KCNK2: variants seen among roughly 807,000 people sequenced by gnomAD.
The protein encoded by KCNK2 is potassium two pore domain channel subfamily K member 2, also known as potassium channel subfamily K member 2.
KCNK2 carries 21 observed loss-of-function variants against 40.5 expected under a neutral mutation model. That is an observed-to-expected ratio of 0.52 (90% CI 0.37 to 0.75). The LOEUF (loss-of-function observed/expected upper bound fraction) is 0.75. Ranked by LOEUF, KCNK2 falls within the 30% of genes least tolerant of loss-of-function variation. The probability of loss-of-function intolerance (pLI) is 0.00; values close to 1 mark genes in which losing one functional copy is unlikely to be tolerated. For missense variants in KCNK2, 399 were observed against 531.6 expected (o/e 0.75, Z 2.45); for synonymous variants, 191 against 202.2 (o/e 0.94, Z 0.47).
chr1:215,017,336 A>T (rs768365289), intron 1 of KCNK2, among the ~76,000 whole-genome samples: 1 of 152,160 alleles, frequency 6.6e-6, no homozygotes, highest in Admixed American at 6.5e-5. Context: ...TATTAAATCA[A>T]CATAAGTGTC....
chr1:215,019,555 T>G (rs1656717239), intron 1 of KCNK2, among the ~76,000 whole-genome samples: 1 of 152,226 alleles, frequency 6.6e-6, no homozygotes, highest in South Asian at 2.1e-4. Flanking sequence ...GTTAAATATT[T>G]AAAACTCATT....
chr1:215,040,086 A>C (rs1222756549), intron 1 of KCNK2, among the ~76,000 whole-genome samples: 3 of 152,104 alleles, frequency 2.0e-5, no homozygotes, highest in Non-Finnish European at 4.4e-5. Flanking sequence ...TTCCCGTGCT[A>C]AGTACTTTAC....
chr1:215,163,526 G>T (rs971756657), intron 3 of KCNK2, among the ~76,000 whole-genome samples: 10 of 152,094 alleles, frequency 6.6e-5, no homozygotes, highest in African/African-American at 2.4e-4. Flanking sequence ...TCCCGCTTTT[G>T]CCCATTCAGT....
chr1:215,083,294 T>A lies in KCNK2; in HGVS notation c.-92T>A, dbSNP rs1476864187. ...CGTGCAGCTCGGAGCGCGCAGCCCG[T>A]CTCTGAATAAGAAGTGAGTACAATG... On this transcript the variant is annotated 5_prime_UTR_variant, in exon 1 of 7. Coordinates refer to ENST00000444842, the MANE Select transcript of KCNK2 (RefSeq NM_001017425.3). 4 of 1,534,836 alleles carry A rather than the reference T, an allele frequency of 2.6e-6. No individual in the cohort carries two copies. Among genetic ancestry groups the A allele is most frequent in the Non-Finnish European group, 3.5e-6 (4 of 1,129,890 alleles).
intron 1 of KCNK2, among the ~76,000 whole-genome samples, chr1:215,053,811 A>G (rs966580919): frequency 6.6e-6 from 1 of 152,190 alleles, no homozygotes; most frequent in African/African-American, 2.4e-5. Flanking sequence ...TACTAAAAAT[A>G]CAAAAGTTAG....
chr1:215,044,686 G>C (rs1657682228), intron 1 of KCNK2, among the ~76,000 whole-genome samples: 1 of 152,018 alleles, frequency 6.6e-6, no homozygotes, highest in Non-Finnish European at 1.5e-5. Context: ...TGAATAAGTG[G>C]AACTACAAAT....
chr1:215,129,903 A>G (rs1661594341), intron 3 of KCNK2, among the ~76,000 whole-genome samples: 1 of 152,238 alleles, frequency 6.6e-6, no homozygotes. Context: ...GGTATAATAC[A>G]AAAATATATT....
chr1:215,103,015 T>C (rs1660289769), intron 2 of KCNK2, among the ~76,000 whole-genome samples: 1 of 151,954 alleles, frequency 6.6e-6, no homozygotes, highest in Admixed American at 6.6e-5. Flanking sequence ...GAAAGATTAA[T>C]TGGAGAAATG....
intron 1 of KCNK2, among the ~76,000 whole-genome samples, chr1:215,074,962 C>A (rs1452295349): frequency 1.3e-5 from 2 of 152,120 alleles, no homozygotes; most frequent in Admixed American, 1.3e-4. Flanking sequence ...ATAAAGATTT[C>A]TTTTTATTAT....
At chr1:215,106,604 G>C (rs576918750) in intron 2 of KCNK2, among the ~76,000 whole-genome samples, 1 of 152,130 alleles carries the variant, frequency 6.6e-6, no homozygotes, top group East Asian at 1.9e-4. Context: ...TGGCACGCTT[G>C]TCAATTTTTG....
intron 3 of KCNK2, among the ~76,000 whole-genome samples, chr1:215,144,314 A>G (rs1662318754): frequency 1.3e-5 from 2 of 152,138 alleles, no homozygotes; most frequent in African/African-American, 4.8e-5. Flanking sequence ...GATGCCCCTT[A>G]ATGGTTTTAG....
rs191429677 is a variant in KCNK2, at chr1:215,203,540, A to G, written c.963+8448A>G. On this transcript the variant is annotated intron_variant, in intron 6 of 6. Coordinates refer to ENST00000444842, the MANE Select transcript of KCNK2 (RefSeq NM_001017425.3). The stretch of plus-strand genomic sequence containing the variant: ...TAAAGTTTTAAGACTATATATATAT[A>G]TAATATCATCATATATTGTTCTATG... Among the ~76,000 whole-genome samples, 25 of 152,094 alleles carry G rather than the reference A, an allele frequency of 1.6e-4. No individual in the cohort carries two copies. The East Asian group carries it at 4.8e-3, about 29-fold the overall frequency.
At chr1:215,138,712 A>G (rs12073401) in intron 3 of KCNK2, among the ~76,000 whole-genome samples, 1,911 of 152,296 alleles carry the variant, frequency 0.013, 46 homozygotes, top group African/African-American at 0.043. Context: ...GTTTATGATA[A>G]TAGAAAGGAG....
At chr1:215,068,637 G>A (rs763752893) in intron 1 of KCNK2, among the ~76,000 whole-genome samples, 42 of 152,264 alleles carry the variant, frequency 2.8e-4, no homozygotes, top group Middle Eastern at 6.8e-3. Context: ...ATTTGCATTG[G>A]CAATTGTTAA....
At chr1:215,174,829 C>T (rs1468845720) in intron 5 of KCNK2, among the ~76,000 whole-genome samples, 1 of 152,126 alleles carries the variant, frequency 6.6e-6, no homozygotes, top group Non-Finnish European at 1.5e-5. Context: ...TATCCTGAGA[C>T]TTTGCTGAAG....
chr1:215,148,105 G>T (rs1438182988), intron 3 of KCNK2, among the ~76,000 whole-genome samples: 1 of 99,098 alleles, frequency 1.0e-5, no homozygotes, highest in African/African-American at 4.7e-5. Flanking sequence ...TTTTGGCAGG[G>T]TCTTGCTCTG....
intron 6 of KCNK2, among the ~76,000 whole-genome samples, chr1:215,204,127 G>C (rs937455636): frequency 7.0e-5 from 6 of 85,620 alleles, no homozygotes; most frequent in Admixed American, 2.6e-4. Context: ...TTTTTTTCTT[G>C]AATTAGACCC....
At chr1:215,176,299 A>G (rs746682812) in intron 5 of KCNK2, among the ~76,000 whole-genome samples, 18 of 151,972 alleles carry the variant, frequency 1.2e-4, no homozygotes, top group Non-Finnish European at 2.1e-4. Flanking sequence ...TCTTCTTTTG[A>G]TAAGTGTCTG....
chr1:215,010,464 C>T (rs547515419), intron 1 of KCNK2, among the ~76,000 whole-genome samples: 16 of 152,250 alleles, frequency 1.1e-4, no homozygotes, highest in Admixed American at 3.3e-4. Context: ...TAGAGAAGAC[C>T]TTGCTCTGCA....
Sources: allele counts gnomAD v4.1 joint callset (sites outside exome capture counted in the v4.1 genomes callset), GRCh38; gene constraint gnomAD v4.1.1; transcripts MANE v1.5; gene names NCBI Gene and HGNC (gene_info 2026-07-23, HGNC 2026-07-21).